Variants in LEPR observed in about 807,000 individuals in gnomAD.
LEPR encodes the protein OB receptor.
In LEPR, 56 loss-of-function variants were observed where a neutral mutation model predicts 114.7. The observed-to-expected ratio is 0.49, with a 90% CI of 0.39 to 0.61. LEPR has a LOEUF of 0.61. Ranked by LOEUF, LEPR falls within the 20% of genes least tolerant of loss-of-function variation. The pLI is 0.00. For synonymous variants in LEPR, 443 were observed against 461.4 expected (o/e 0.96, Z 0.51); for missense variants, 1,202 against 1,352.9 (o/e 0.89, Z 1.75).
At position 65,592,578 on chromosome 1, in the gene LEPR, G is replaced by A. The variant is rs1053382724; in HGVS notation, c.495-79G>A. 10 of 1,477,626 alleles carry A rather than the reference G, an allele frequency of 6.8e-6. No homozygotes were observed. In the African/African-American group the frequency reaches 1.1e-4, roughly 17 times the overall value. The allele number at this position is 1,477,626 out of a possible 1,614,324, so 91.5% of individuals were successfully genotyped here. A position where few individuals can be genotyped will look rare whatever the true frequency, so the allele number is the denominator to read the frequency against. On this transcript the variant is annotated intron_variant, in intron 5 of 19. Coordinates refer to ENST00000349533, the MANE Select transcript of LEPR (RefSeq NM_002303.6). ...TGTCCCAAATAGTTTACTTCAATTA[G>A]TATTTAGTATCCTGCTTTAAAAGCC... is the stretch of plus-strand genomic sequence containing the variant.
intron 2 of LEPR, among the ~76,000 whole-genome samples, chr1:65,522,584 G>A (rs950938025): frequency 3.3e-5 from 5 of 152,152 alleles, no homozygotes; most frequent in South Asian, 4.1e-4. Context: ...ATCATTATTC[G>A]TAAAGAGTTT....
At chr1:65,469,267 C>T (rs574448024) in intron 2 of LEPR, among the ~76,000 whole-genome samples, 1 of 152,256 alleles carries the variant, frequency 6.6e-6, no homozygotes, top group African/African-American at 2.4e-5. Flanking sequence ...GTGATGAGAT[C>T]ATTCTGTGAG....
At chr1:65,616,422 C>A (rs1657526810) in intron 15 of LEPR, among the ~76,000 whole-genome samples, 198 bp downstream of exon 15, 1 of 152,082 alleles carries the variant, frequency 6.6e-6, no homozygotes, top group Non-Finnish European at 1.5e-5. Flanking sequence ...CTTGAGCTTT[C>A]ATTTGGGAGA....
chr1:65,522,974 T>C (rs1320073476), intron 2 of LEPR, among the ~76,000 whole-genome samples: 1 of 152,250 alleles, frequency 6.6e-6, no homozygotes, highest in Non-Finnish European at 1.5e-5. Flanking sequence ...GCTTGGTATT[T>C]ACTCATGTAT....
chr1:65,619,686 T>G (rs1322391558), intron 16 of LEPR, among the ~76,000 whole-genome samples: 1 of 152,168 alleles, frequency 6.6e-6, no homozygotes, highest in Non-Finnish European at 1.5e-5. Flanking sequence ...TTTGAAAAAT[T>G]GCAATCTTCT....
intron 19 of LEPR, among the ~76,000 whole-genome samples, chr1:65,632,339 C>A (rs1406379499): frequency 6.6e-6 from 1 of 152,122 alleles, no homozygotes; most frequent in Non-Finnish European, 1.5e-5. Context: ...GTATTTCACT[C>A]CCCTAAAAAT....
intron 4 of LEPR, among the ~76,000 whole-genome samples, chr1:65,571,694 C>T (rs1484263637): frequency 6.8e-6 from 1 of 147,866 alleles, no homozygotes; most frequent in Non-Finnish European, 1.5e-5. Flanking sequence ...GGCTTAACTG[C>T]CTGCAATCCT....
At chr1:65,457,477 T>C (rs1316708526) in intron 2 of LEPR, among the ~76,000 whole-genome samples, 1 of 152,192 alleles carries the variant, frequency 6.6e-6, no homozygotes, top group Non-Finnish European at 1.5e-5. Context: ...ACGTTCACTC[T>C]ACTAATAAGC....
At chr1:65,467,653 T>G (rs1647032036) in intron 2 of LEPR, among the ~76,000 whole-genome samples, 1 of 152,236 alleles carries the variant, frequency 6.6e-6, no homozygotes, top group Non-Finnish European at 1.5e-5. Flanking sequence ...GTGGAATCTA[T>G]AGAGGCAGTG....
Position 65,567,336 on chromosome 1 carries a change from C to A in LEPR, c.40+1731C>A, listed in dbSNP as rs1385529165. On this transcript the variant is annotated intron_variant, in intron 3 of 19. Transcript: ENST00000349533. ...AAGCAACTGAATCCTCTATGTAGAC[C>A]TAGAATATATAATGCTGTAAATTAG... Among the ~76,000 whole-genome samples, 6 of 152,248 alleles carry A rather than the reference C, an allele frequency of 3.9e-5. No individual in the cohort carries two copies. The East Asian group carries it at 1.2e-3, about 29-fold the overall frequency.
chr1:65,512,315 G>A (rs1338311668), intron 2 of LEPR, among the ~76,000 whole-genome samples: 1 of 152,122 alleles, frequency 6.6e-6, no homozygotes, highest in East Asian at 1.9e-4. Flanking sequence ...GATTACAACT[G>A]GACATGAGAT....
At chr1:65,457,996 C>A (rs560376258) in intron 2 of LEPR, among the ~76,000 whole-genome samples, 2 of 152,140 alleles carry the variant, frequency 1.3e-5, no homozygotes, top group Non-Finnish European at 2.9e-5. Context: ...ACATGAATAC[C>A]TACAAAGTTG....
intron 2 of LEPR, among the ~76,000 whole-genome samples, chr1:65,499,344 G>T: frequency 6.6e-6 from 1 of 151,982 alleles, no homozygotes; most frequent in East Asian, 1.9e-4. Flanking sequence ...GGTGGGTGGC[G>T]TAAAATGGAA....
chr1:65,453,397 G>A (rs1429574371), intron 2 of LEPR, among the ~76,000 whole-genome samples: 1 of 152,074 alleles, frequency 6.6e-6, no homozygotes, highest in Non-Finnish European at 1.5e-5. Context: ...GATCTTTCCT[G>A]CTTTCTCTTG....
intron 14 of LEPR, 76 bp downstream of exon 14, chr1:65,610,372 GTTA>G: frequency 8.3e-7 from 1 of 1,211,384 alleles, no homozygotes; most frequent in Non-Finnish European, 1.2e-6. Context: ...CCATAATCCT[GTTA>G]TTAATCTTCG....
At chr1:65,472,429 C>T (rs185673574) in intron 2 of LEPR, among the ~76,000 whole-genome samples, 1 of 143,440 alleles carries the variant, frequency 7.0e-6, no homozygotes, top group East Asian at 2.0e-4. Context: ...CACACACACA[C>T]ACACACACAC....
At chr1:65,497,813 G>T (rs1349645900) in intron 2 of LEPR, among the ~76,000 whole-genome samples, 5 of 152,064 alleles carry the variant, frequency 3.3e-5, no homozygotes, top group Non-Finnish European at 7.4e-5. Flanking sequence ...ACTGCCTTTT[G>T]CATGGCAGGA....
intron 11 of LEPR, among the ~76,000 whole-genome samples, chr1:65,606,763 C>G (rs1472885684): frequency 3.3e-5 from 5 of 152,130 alleles, no homozygotes; most frequent in Non-Finnish European, 7.4e-5. Flanking sequence ...AAGAAATTAT[C>G]AAGAGGTGAA....
intron 2 of LEPR, among the ~76,000 whole-genome samples, chr1:65,544,236 T>A (rs1234552995): frequency 1.3e-5 from 2 of 152,004 alleles, no homozygotes; most frequent in African/African-American, 4.8e-5. Flanking sequence ...GATTTGGTGC[T>A]CTGTTTGCCT....
Sources: allele counts gnomAD v4.1 joint callset (sites outside exome capture counted in the v4.1 genomes callset), GRCh38; gene constraint gnomAD v4.1.1; transcripts MANE v1.5; gene names NCBI Gene and HGNC (gene_info 2026-07-23, HGNC 2026-07-21).